Variants in GMDS observed in about 807,000 individuals in gnomAD.
The protein encoded by GMDS is GDP-mannose 4,6-dehydratase.
GMDS carries 20 observed loss-of-function variants against 49.9 expected under a neutral mutation model. The ratio of observed to expected loss-of-function variants is 0.40; its 90% CI spans 0.28 to 0.58. The LOEUF (loss-of-function observed/expected upper bound fraction) is 0.58, where lower values mean the gene tolerates loss of function less well. GMDS is among the 20% of genes least tolerant of loss of function. The probability of loss-of-function intolerance (pLI) is 0.42; values close to 1 mark genes in which losing one functional copy is unlikely to be tolerated. For missense variants in GMDS, 362 were observed against 481.4 expected (o/e 0.75, Z 2.32); for synonymous variants, 177 against 178.6 (o/e 0.99, Z 0.07).
At chr6:1,656,805 T>A (rs1763897182) in intron 9 of GMDS, among the ~76,000 whole-genome samples, 1 of 151,510 alleles carries the variant, frequency 6.6e-6, no homozygotes, top group Non-Finnish European at 1.5e-5. Context: ...TGGGCTTGGC[T>A]CCTGGCTGTA....
intron 9 of GMDS, among the ~76,000 whole-genome samples, chr6:1,701,291 G>C (rs550899619): frequency 5.3e-5 from 8 of 152,186 alleles, no homozygotes; most frequent in African/African-American, 1.9e-4. Flanking sequence ...AAAAATACAG[G>C]CTACATTTCT....
intron 9 of GMDS, among the ~76,000 whole-genome samples, chr6:1,661,454 C>A (rs1445245524): frequency 6.6e-6 from 1 of 152,196 alleles, no homozygotes; most frequent in East Asian, 1.9e-4. Context: ...AGTATGATTA[C>A]CTCCATTTGA....
intron 7 of GMDS, among the ~76,000 whole-genome samples, chr6:1,817,868 G>T (rs558588689): frequency 6.6e-6 from 1 of 152,274 alleles, no homozygotes; most frequent in African/African-American, 2.4e-5. Flanking sequence ...CGGTAAGGAA[G>T]ATTATAACAG....
intron 4 of GMDS, among the ~76,000 whole-genome samples, chr6:2,060,052 T>C (rs1267171852): frequency 6.6e-6 from 1 of 152,216 alleles, no homozygotes; most frequent in Admixed American, 6.5e-5. Flanking sequence ...CCCTCATTTT[T>C]TCACTAAGCT....
At position 1,636,965 on chromosome 6, in the gene GMDS, T is replaced by A. The variant is rs1763172826; in HGVS notation, c.988-12425A>T. Among the ~76,000 whole-genome samples, 3 of 152,228 alleles carry A rather than the reference T, an allele frequency of 2.0e-5. No homozygotes were observed. In the South Asian group the frequency reaches 6.2e-4, roughly 31 times the overall value. The stretch of plus-strand genomic sequence containing the variant: ...GAACTCTAACGGCCCCTCTCCAAGC[T>A]ACTGCTTGCCATTCTGCCAGGCCTG... On this transcript the variant is annotated intron_variant, in intron 9 of 10. Coordinates refer to ENST00000380815, the MANE Select transcript of GMDS (RefSeq NM_001500.4).
chr6:2,200,595 T>C (rs577250947), intron 1 of GMDS, among the ~76,000 whole-genome samples: 4 of 133,794 alleles, frequency 3.0e-5, no homozygotes, highest in Admixed American at 1.5e-4. Context: ...TGTAACCATC[T>C]AGGCAGTGAG....
chr6:2,207,866 T>C (rs1339832366), intron 1 of GMDS, among the ~76,000 whole-genome samples: 4 of 151,912 alleles, frequency 2.6e-5, no homozygotes, highest in Admixed American at 1.3e-4. Context: ...TAAATTCCTC[T>C]CAACAGGAAA....
intron 1 of GMDS, among the ~76,000 whole-genome samples, chr6:2,163,249 C>T (rs1777495942): frequency 6.6e-6 from 1 of 152,108 alleles, no homozygotes; most frequent in Non-Finnish European, 1.5e-5. Flanking sequence ...TGTCATCTGC[C>T]TTGATTCTCA....
At chr6:1,770,211 G>A (rs1034260101) in intron 7 of GMDS, among the ~76,000 whole-genome samples, 1 of 152,148 alleles carries the variant, frequency 6.6e-6, no homozygotes, top group Admixed American at 6.5e-5. Context: ...ACACATGTGT[G>A]AGCCAACACA....
intron 7 of GMDS, among the ~76,000 whole-genome samples, chr6:1,775,671 C>A (rs1337592188): frequency 6.6e-6 from 1 of 152,192 alleles, no homozygotes; most frequent in African/African-American, 2.4e-5. Context: ...ATAAAAAAGG[C>A]AGTGTTTTGC....
chr6:1,846,080 CTT>C (rs11298909), intron 7 of GMDS, among the ~76,000 whole-genome samples: 68 of 121,652 alleles, frequency 5.6e-4, no homozygotes, highest in African/African-American at 1.5e-3. Flanking sequence ...CACCATGTTT[CTT>C]TTTTTTTTTT....
At chr6:1,776,935 T>A (rs1163918293) in intron 7 of GMDS, among the ~76,000 whole-genome samples, 1 of 152,134 alleles carries the variant, frequency 6.6e-6, no homozygotes, top group Non-Finnish European at 1.5e-5. Context: ...CCAAACCTCA[T>A]CAACTAAGGA....
At chr6:2,210,491 G>A (rs1354545776) in intron 1 of GMDS, among the ~76,000 whole-genome samples, 2 of 152,088 alleles carry the variant, frequency 1.3e-5, no homozygotes, top group African/African-American at 2.4e-5. Flanking sequence ...GGAGTGCCTC[G>A]AGAATGGACG....
At chr6:1,981,602 G>A (rs1466178395) in intron 4 of GMDS, among the ~76,000 whole-genome samples, 1 of 152,142 alleles carries the variant, frequency 6.6e-6, no homozygotes, top group Non-Finnish European at 1.5e-5. Flanking sequence ...ACAAAGAGGA[G>A]CTGGTACCAT....
chr6:2,071,172 T>G (rs181512181), intron 4 of GMDS, among the ~76,000 whole-genome samples: 1 of 152,216 alleles, frequency 6.6e-6, no homozygotes, highest in Non-Finnish European at 1.5e-5. Context: ...AGATGTTAAC[T>G]GGATCAAAAC....
At chr6:2,107,946 A>G (rs1162243964) in intron 4 of GMDS, among the ~76,000 whole-genome samples, 1 of 152,230 alleles carries the variant, frequency 6.6e-6, no homozygotes, top group Admixed American at 6.5e-5. Flanking sequence ...ATAATTTGCT[A>G]ACAAACTAGA....
chr6:2,166,679 A>G (rs1186998571), intron 1 of GMDS, among the ~76,000 whole-genome samples: 2 of 152,236 alleles, frequency 1.3e-5, no homozygotes, highest in East Asian at 3.8e-4. Flanking sequence ...CACAGAGTTA[A>G]TAAGTATCAA....
chr6:1,638,544 G>A (rs1254204499), intron 9 of GMDS, among the ~76,000 whole-genome samples: 1 of 138,366 alleles, frequency 7.2e-6, no homozygotes, highest in Admixed American at 7.8e-5. Flanking sequence ...GAGGCCGTGA[G>A]ACTCCCAGAC....
chr6:1,743,047 C>T lies in GMDS; in HGVS notation c.772-461G>A, dbSNP rs371910938. Among the ~76,000 whole-genome samples the T allele has an allele frequency of 5.9e-5, 9 of 152,180 alleles. No homozygotes were observed. In the South Asian group the frequency reaches 1.7e-3, roughly 28 times the overall value. On this transcript the variant is annotated intron_variant, in intron 7 of 10. Coordinates refer to ENST00000380815, the MANE Select transcript of GMDS (RefSeq NM_001500.4). The stretch of plus-strand genomic sequence containing the variant: ...AAACCATTTAAAGACAGGTATTTGT[C>T]CTCAAAAGTAGAACTTAATTTTTGA...
Sources: allele counts gnomAD v4.1 joint callset (sites outside exome capture counted in the v4.1 genomes callset), GRCh38; gene constraint gnomAD v4.1.1; transcripts MANE v1.5; gene names NCBI Gene and HGNC (gene_info 2026-07-23, HGNC 2026-07-21).